Variants in GULP1 observed in about 807,000 individuals in gnomAD.
The protein encoded by GULP1 is GULP PTB domain containing engulfment adaptor 1, also known as PTB domain-containing engulfment adapter protein 1.
A neutral mutation model predicts 40.9 loss-of-function variants in GULP1; 19 were observed. That is an observed-to-expected ratio of 0.46 (90% CI 0.32 to 0.68). The LOEUF (loss-of-function observed/expected upper bound fraction) is 0.68. Ranked by LOEUF, GULP1 falls within the 30% of genes least tolerant of loss-of-function variation. GULP1 has a pLI of 0.03. For synonymous variants in GULP1, 119 were observed against 117.6 expected, an observed-to-expected ratio of 1.01 and a Z score of -0.08; for missense variants, 312 against 362.2, an observed-to-expected ratio of 0.86 and a Z score of 1.12.
chr2:188,592,563 G>A (rs920735588), intron 11 of GULP1: 1 of 151,932 alleles, frequency 6.6e-6, no homozygotes, highest in Non-Finnish European at 1.5e-5. Context: ...CCAAGTACTG[G>A]AAAGACATTT....
At chr2:188,561,551 G>T (rs1395763535) in intron 7 of GULP1, among the ~76,000 whole-genome samples, 1 of 152,110 alleles carries the variant, frequency 6.6e-6, no homozygotes, top group Admixed American at 6.5e-5. Context: ...GGATTGGGTT[G>T]GGTAATCCAC....
chr2:188,309,250 G>C (rs2037660601), intron 1 of GULP1, among the ~76,000 whole-genome samples: 1 of 152,062 alleles, frequency 6.6e-6, no homozygotes, highest in African/African-American at 2.4e-5. Flanking sequence ...CAGGTTGCTT[G>C]AGCCCAGCAG....
At chr2:188,457,567 C>A (rs2059369226) in intron 2 of GULP1, among the ~76,000 whole-genome samples, 1 of 152,144 alleles carries the variant, frequency 6.6e-6, no homozygotes, top group African/African-American at 2.4e-5. Flanking sequence ...ATTGCCCAGT[C>A]TTGGGTATTT....
At chr2:188,418,443 G>T (rs13422246) in intron 2 of GULP1, among the ~76,000 whole-genome samples, 30,719 of 151,826 alleles carry the variant, frequency 0.2, 3,299 homozygotes, top group African/African-American at 0.26. Flanking sequence ...ACCAGCCTGG[G>T]CAACATGACA....
chr2:188,375,964 G>A (rs571704012), intron 1 of GULP1, among the ~76,000 whole-genome samples: 7 of 152,044 alleles, frequency 4.6e-5, no homozygotes, highest in Admixed American at 1.3e-4. Context: ...TAGCCATGCG[G>A]AACCCGTATA....
At chr2:188,583,644 C>T (rs562741126) in intron 9 of GULP1, among the ~76,000 whole-genome samples, 29 of 152,058 alleles carry the variant, frequency 1.9e-4, no homozygotes, top group South Asian at 1.2e-3. Flanking sequence ...AGTACACTGG[C>T]GATTATTAAT....
At chr2:188,436,459 T>G (rs1351931306) in intron 2 of GULP1, among the ~76,000 whole-genome samples, 24 of 152,054 alleles carry the variant, frequency 1.6e-4, no homozygotes, top group Admixed American at 1.5e-3. Context: ...TTAAAATTAC[T>G]TTCCTCACTG....
At chr2:188,455,909 G>A (rs2059218362) in intron 2 of GULP1, among the ~76,000 whole-genome samples, 1 of 152,140 alleles carries the variant, frequency 6.6e-6, no homozygotes. Flanking sequence ...GTGAAGAGGA[G>A]GAACTTGTTA....
At chr2:188,561,628 A>G (rs754804228) in intron 7 of GULP1, among the ~76,000 whole-genome samples, 1 of 152,180 alleles carries the variant, frequency 6.6e-6, no homozygotes, top group Admixed American at 6.5e-5. Flanking sequence ...CAGTGGTGAC[A>G]GTAGTCACTA....
intron 10 of GULP1, among the ~76,000 whole-genome samples, chr2:188,587,304 A>G (rs1265400760): frequency 1.3e-5 from 2 of 152,094 alleles, no homozygotes; most frequent in Non-Finnish European, 2.9e-5. Context: ...TAAAGAAACT[A>G]TCTCATTGTG....
intron 2 of GULP1, among the ~76,000 whole-genome samples, chr2:188,441,281 A>G (rs186207828): frequency 1.3e-5 from 2 of 152,186 alleles, no homozygotes; most frequent in Non-Finnish European, 2.9e-5. Context: ...GAAACTATAT[A>G]TCTGGCTTTC....
At chr2:188,559,953 G>A (rs773884039) in intron 7 of GULP1, among the ~76,000 whole-genome samples, 6 of 152,088 alleles carry the variant, frequency 3.9e-5, no homozygotes, top group East Asian at 1.9e-4. Context: ...TCACTGCCAC[G>A]TAAGAAGTGC....
At chr2:188,371,179 A>T (rs1382070073) in intron 1 of GULP1, among the ~76,000 whole-genome samples, 1 of 152,076 alleles carries the variant, frequency 6.6e-6, no homozygotes, top group Non-Finnish European at 1.5e-5. Context: ...ATTCTTTCAA[A>T]TTTCATACTG....
intron 2 of GULP1, among the ~76,000 whole-genome samples, chr2:188,425,285 G>T (rs1227951928): frequency 6.6e-6 from 1 of 152,034 alleles, no homozygotes; most frequent in Non-Finnish European, 1.5e-5. Context: ...ATGATCTGTT[G>T]TTATGAGCTT....
chr2:188,500,670 A>G (rs1011771229), intron 4 of GULP1, among the ~76,000 whole-genome samples: 3 of 151,950 alleles, frequency 2.0e-5, no homozygotes, highest in African/African-American at 4.8e-5. Flanking sequence ...ATGTTTGCGT[A>G]GTACAGACAT....
At chr2:188,375,677 T>G (rs760842302) in intron 1 of GULP1, among the ~76,000 whole-genome samples, 3 of 152,236 alleles carry the variant, frequency 2.0e-5, no homozygotes, top group African/African-American at 7.2e-5. Context: ...ATAGATGTTG[T>G]ATAAATATTT....
chr2:188,537,414 A>C (rs1689226170), intron 6 of GULP1, among the ~76,000 whole-genome samples: 2 of 151,974 alleles, frequency 1.3e-5, no homozygotes, highest in Non-Finnish European at 2.9e-5. Flanking sequence ...ATTTTTTCGA[A>C]GGCTTTTTCG....
At chr2:188,481,631 A>G (rs1457972493) in intron 3 of GULP1, among the ~76,000 whole-genome samples, 5 of 151,876 alleles carry the variant, frequency 3.3e-5, no homozygotes, top group Non-Finnish European at 5.9e-5. Flanking sequence ...TTTTCAAGTA[A>G]TAGTGGTTTA....
intron 2 of GULP1, among the ~76,000 whole-genome samples, chr2:188,424,748 A>G (rs1300492281): frequency 2.0e-5 from 3 of 151,846 alleles, no homozygotes; most frequent in South Asian, 2.1e-4. Flanking sequence ...TCTTTAATCA[A>G]TAAGTTTTTC....
Sources: allele counts gnomAD v4.1 joint callset (sites outside exome capture counted in the v4.1 genomes callset), GRCh38; gene constraint gnomAD v4.1.1; transcripts MANE v1.5; gene names NCBI Gene and HGNC (gene_info 2026-07-23, HGNC 2026-07-21).